The following ELF1 variants were observed in gnomAD, a reference collection of about 807,000 sequenced individuals.
ELF1 encodes E74 like ETS transcription factor 1, also known as ETS-related transcription factor Elf-1.
In ELF1, 24 loss-of-function variants were observed where a neutral mutation model predicts 59.9. The ratio of observed to expected loss-of-function variants is 0.40; its 90% CI spans 0.29 to 0.56. The LOEUF (loss-of-function observed/expected upper bound fraction) is 0.56, where lower values mean the gene tolerates loss of function less well. ELF1 is among the 20% of genes least tolerant of loss of function. The probability of loss-of-function intolerance (pLI) is 0.44; values close to 1 mark genes in which losing one functional copy is unlikely to be tolerated. For synonymous variants in ELF1, 248 were observed against 266.2 expected (o/e 0.93, Z 0.67); for missense variants, 627 against 742.2 (o/e 0.84, Z 1.80).
intron 2 of ELF1, among the ~76,000 whole-genome samples, chr13:40,978,251 G>A (rs1318729310): frequency 7.9e-5 from 12 of 151,928 alleles, no homozygotes; most frequent in African/African-American, 2.7e-4. Context: ...GGTGGTGCGT[G>A]TCTGTAGTCC....
At chr13:41,007,986 C>A (rs754319889) in intron 1 of ELF1, among the ~76,000 whole-genome samples, 7 of 152,168 alleles carry the variant, frequency 4.6e-5, no homozygotes, top group Admixed American at 3.3e-4. Context: ...CAAGGCTGCA[C>A]CCTCAAGCCA....
exon 1 of ELF1, chr13:41,060,898 C>A (rs1369178513): frequency 2.0e-5 from 7 of 352,062 alleles, no homozygotes; most frequent in Middle Eastern, 7.5e-4. Context: ...CGCCTCTGCG[C>A]TACTGAAGCT....
At chr13:40,999,389 C>A (rs1401135617) in intron 1 of ELF1, among the ~76,000 whole-genome samples, 1 of 152,058 alleles carries the variant, frequency 6.6e-6, no homozygotes, top group Non-Finnish European at 1.5e-5. Context: ...TGTGTCTGTG[C>A]GTGTATGCGT....
chr13:40,973,486 A>G (rs1412699681), intron 2 of ELF1, among the ~76,000 whole-genome samples: 1 of 152,200 alleles, frequency 6.6e-6, no homozygotes, highest in African/African-American at 2.4e-5. Context: ...AACTGTTTAT[A>G]TAACTGCCTA....
chr13:41,026,722 C>A (rs1265460345), intron 1 of ELF1, among the ~76,000 whole-genome samples: 4 of 152,162 alleles, frequency 2.6e-5, no homozygotes, highest in African/African-American at 9.7e-5. Flanking sequence ...GTGGGTGTTA[C>A]CTGACCCACT....
intron 8 of ELF1, among the ~76,000 whole-genome samples, chr13:40,938,464 T>A (rs143924913): frequency 6.6e-6 from 1 of 152,236 alleles, no homozygotes; most frequent in East Asian, 1.9e-4. Flanking sequence ...CTGTGATTTA[T>A]GTAAATCGGT....
At chr13:40,974,195 G>T (rs1566176967) in intron 2 of ELF1, among the ~76,000 whole-genome samples, 2 of 152,026 alleles carry the variant, frequency 1.3e-5, no homozygotes, top group East Asian at 3.9e-4. Flanking sequence ...CAATAAAGCT[G>T]TTTTTTTTAA....
In ELF1 at chr13:40,982,167, G is replaced by T. The variant is rs113531878; in HGVS notation, c.-113C>A. 45 of 1,407,090 alleles carry T rather than the reference G, an allele frequency of 3.2e-5. No homozygotes were observed. Among genetic ancestry groups the T allele is most frequent in the Middle Eastern group, 3.7e-4 (2 of 5,398 alleles). 87.2% of individuals were successfully genotyped at this position (1,407,090 alleles called of 1,614,324 possible). A position where few individuals can be genotyped will look rare whatever the true frequency, so the allele number is the denominator to read the frequency against. ...AAAAACCCTCAGCTCTGTCTGTGGA[G>T]TAATTGTATACCCAAGTTTTCTTTA... On this transcript the variant is annotated 5_prime_UTR_variant, in exon 2 of 9. Transcript: ENST00000239882.
intron 1 of ELF1, among the ~76,000 whole-genome samples, chr13:41,000,701 T>C (rs978530998): frequency 6.6e-6 from 1 of 152,182 alleles, no homozygotes; most frequent in African/African-American, 2.4e-5. Flanking sequence ...ATTTATATTA[T>C]TATTTACTAG....
At chr13:40,937,672 T>C (rs574021564) in intron 8 of ELF1, among the ~76,000 whole-genome samples, 28 of 152,124 alleles carry the variant, frequency 1.8e-4, no homozygotes, top group Non-Finnish European at 3.7e-4. Flanking sequence ...GTTTTCACCA[T>C]GTTGGGAAGG....
chr13:41,005,321 T>G (rs1874677136), intron 1 of ELF1, among the ~76,000 whole-genome samples: 1 of 151,922 alleles, frequency 6.6e-6, no homozygotes, highest in Non-Finnish European at 1.5e-5. Flanking sequence ...AAAACCACAA[T>G]GACTGAGTAA....
At chr13:40,983,331 C>G (rs961239520) in intron 1 of ELF1, among the ~76,000 whole-genome samples, 1 of 152,116 alleles carries the variant, frequency 6.6e-6, no homozygotes, top group Admixed American at 6.5e-5. Flanking sequence ...TTTAAAGAGA[C>G]AAGTCTGGGG....
rs1871878490 is a variant in ELF1, at chr13:40,962,329, T to C, written c.73-3313A>G. Among the ~76,000 whole-genome samples the C allele has an allele frequency of 2.6e-5, 4 of 152,220 alleles. No homozygotes were observed. The South Asian group carries it at 8.3e-4, about 32-fold the overall frequency. On this transcript the variant is annotated intron_variant, in intron 2 of 8. Coordinates refer to ENST00000239882, the MANE Select transcript of ELF1 (RefSeq NM_172373.4). ...ACACAAACGTCAAGAGAAAAAAACG[T>C]TTCCTTTGAAGCAAAAGGTTTATTA...
intron 3 of ELF1, among the ~76,000 whole-genome samples, chr13:40,954,543 C>CCCTGCCTGATTCTCCTGCCTCAG (rs1483340731): frequency 9.9e-5 from 15 of 151,832 alleles, no homozygotes; most frequent in African/African-American, 3.6e-4. Flanking sequence ...ACTGCAACCT[C>CCCTGCCTGATTCTCCTGCCTCAG]CCTGCCTGAT....
intron 1 of ELF1, among the ~76,000 whole-genome samples, chr13:40,985,507 C>T (rs1474690488): frequency 6.6e-6 from 1 of 152,126 alleles, no homozygotes; most frequent in Non-Finnish European, 1.5e-5. Context: ...TAAAATCCAC[C>T]AAAGTCCTTT....
chr13:40,987,827 TAA>T lies in ELF1; in HGVS notation c.-228-5547_-228-5546del, dbSNP rs71671656. Among the ~76,000 whole-genome samples the T allele has an allele frequency of 2.8e-3, 419 of 152,222 alleles. 6 individuals are homozygous for T. The East Asian group carries it at 0.052, about 19-fold the overall frequency. On this transcript the variant is annotated intron_variant, in intron 1 of 8. Transcript: ENST00000239882. ...TGCTACAGTAACTCTAGACACCAAG[TAA>T]CTGAACAGAAAGAACTTTCACAAGA...
At chr13:41,060,456 G>A (rs951832028) in intron 1 of ELF1, among the ~76,000 whole-genome samples, 2 of 152,192 alleles carry the variant, frequency 1.3e-5, no homozygotes, top group African/African-American at 2.4e-5. Context: ...GGAGGGGCGG[G>A]GGAGCAGCCC....
chr13:40,949,003 G>T, intron 5 of ELF1, among the ~76,000 whole-genome samples: 1 of 151,906 alleles, frequency 6.6e-6, no homozygotes, highest in Non-Finnish European at 1.5e-5. Flanking sequence ...TTATTTTTTT[G>T]AGATGGAGTT....
At chr13:41,045,544 T>C (rs968616505) in intron 1 of ELF1, among the ~76,000 whole-genome samples, 6 of 152,344 alleles carry the variant, frequency 3.9e-5, no homozygotes, top group East Asian at 3.9e-4. Context: ...CATTTCGTTA[T>C]GTACCCAGCA....
Sources: allele counts gnomAD v4.1 joint callset (sites outside exome capture counted in the v4.1 genomes callset), GRCh38; gene constraint gnomAD v4.1.1; transcripts MANE v1.5; gene names NCBI Gene and HGNC (gene_info 2026-07-23, HGNC 2026-07-21).